VPS41: variants seen among roughly 807,000 people sequenced by gnomAD.
VPS41 encodes the protein VPS41 subunit of HOPS complex, also known as vacuolar protein sorting-associated protein 41 homolog.
VPS41 carries 85 observed loss-of-function variants against 130.9 expected under a neutral mutation model. The observed-to-expected ratio is 0.65, with a 90% confidence interval of 0.55 to 0.78. The LOEUF (loss-of-function observed/expected upper bound fraction) is 0.78, where lower values mean the gene tolerates loss of function less well. Among genes scored for constraint, VPS41 ranks in the 30% least tolerant of loss-of-function variants. The probability of loss-of-function intolerance (pLI) is 0.00; values close to 1 mark genes in which losing one functional copy is unlikely to be tolerated. For missense variants in VPS41, 874 were observed against 1,018.7 expected (o/e 0.86, Z 1.93); for synonymous variants, 335 against 332.9 (o/e 1.01, Z -0.07).
chr7:38,859,492 T>C (rs1299062822), intron 4 of VPS41, among the ~76,000 whole-genome samples: 2 of 152,168 alleles, frequency 1.3e-5, no homozygotes, highest in Non-Finnish European at 2.9e-5. Flanking sequence ...TTTTATACCA[T>C]ATTTTTATGG....
At chr7:38,844,965 G>A (rs1562607352) in intron 4 of VPS41, among the ~76,000 whole-genome samples, 1 of 152,144 alleles carries the variant, frequency 6.6e-6, no homozygotes, top group African/African-American at 2.4e-5. Flanking sequence ...ACAGAGGCAG[G>A]GGCACGGAAC....
At chr7:38,898,988 C>A (rs916593059) in intron 1 of VPS41, among the ~76,000 whole-genome samples, 8 of 152,048 alleles carry the variant, frequency 5.3e-5, no homozygotes, top group Non-Finnish European at 1.2e-4. Context: ...TTAGATATAA[C>A]TAATACATTT....
rs1784024530 is a variant in VPS41, at chr7:38,765,632, G to A, written c.1277C>T (p.Ala426Val). 9 of 1,603,552 alleles carry A rather than the reference G, an allele frequency of 5.6e-6. No homozygotes were observed. The highest frequency in any genetic ancestry group is 1.1e-5 in the South Asian group (1 of 87,904). ...RKCQKILGKNAALWEYEVYKF... is the reference protein window; with the variant it reads ...RKCQKILGKNVALWEYEVYKF... ...ATAAACTTCATATTCCCAGAGTGCT[G>A]CATTTTTCCCAAGAATTTTCTGGCA... The change falls in exon 16 of 29, where the codon GCA (alanine) becomes GTA (valine). Residue 426 changes from alanine to valine, a missense_variant. By Grantham distance (64) the Ala-to-Val change is moderately conservative. Coordinates refer to ENST00000310301, the MANE Select transcript of VPS41 (RefSeq NM_014396.4).
Position 38,888,521 on chromosome 7 carries a change from T to C in VPS41, c.60+9570A>G, listed in dbSNP as rs370008888. On this transcript the variant is annotated intron_variant, in intron 2 of 28. Transcript: ENST00000310301. ...CCCAATACAGGAGCACCCAGATTCA[T>C]AAAGCAAGTTCTTAGAGACCTACAA... 5.3e-5 allele frequency among the ~76,000 whole-genome samples: 8 copies of C among 152,274 alleles called. No individual in the cohort carries two copies. In the East Asian group the frequency reaches 1.4e-3, roughly 26 times the overall value.
At chr7:38,818,370 T>A (rs2116106095) in intron 6 of VPS41, among the ~76,000 whole-genome samples, 1 of 152,060 alleles carries the variant, frequency 6.6e-6, no homozygotes, top group Middle Eastern at 3.4e-3. Flanking sequence ...CAAGACCCCA[T>A]CAATGGAGAG....
chr7:38,894,459 G>A (rs1307136869), intron 2 of VPS41, among the ~76,000 whole-genome samples: 1 of 151,520 alleles, frequency 6.6e-6, no homozygotes, highest in Non-Finnish European at 1.5e-5. Context: ...AGGGTTGGGG[G>A]GAAGTGGGGG....
chr7:38,849,351 G>A (rs1039071554), intron 4 of VPS41, among the ~76,000 whole-genome samples: 4 of 152,186 alleles, frequency 2.6e-5, no homozygotes, highest in Non-Finnish European at 4.4e-5. Context: ...TAGGTGGCTT[G>A]TGTTAGTCAG....
chr7:38,906,230 T>C (rs1393097492), intron 1 of VPS41, among the ~76,000 whole-genome samples: 1 of 152,164 alleles, frequency 6.6e-6, no homozygotes, highest in Non-Finnish European at 1.5e-5. Context: ...CCATTTTTAA[T>C]CTATAAAGGA....
chr7:38,891,118 T>C (rs1166108642), intron 2 of VPS41, among the ~76,000 whole-genome samples: 1 of 152,164 alleles, frequency 6.6e-6, no homozygotes, highest in Non-Finnish European at 1.5e-5. Flanking sequence ...AAACCAAATC[T>C]TTCCCCTAAC....
At chr7:38,902,261 T>A (rs1787161704) in intron 1 of VPS41, among the ~76,000 whole-genome samples, 1 of 152,054 alleles carries the variant, frequency 6.6e-6, no homozygotes, top group Admixed American at 6.6e-5. Flanking sequence ...GCTTTCAGAT[T>A]CCCCAGCAAA....
chr7:38,905,040 A>C (rs767421244), intron 1 of VPS41, among the ~76,000 whole-genome samples: 1 of 152,192 alleles, frequency 6.6e-6, no homozygotes, highest in Non-Finnish European at 1.5e-5. Flanking sequence ...AAAAGGTGCA[A>C]GTAAGATAAA....
At chr7:38,817,707 G>T in intron 7 of VPS41, 110 bp downstream of exon 7, 3 of 938,728 alleles carry the variant, frequency 3.2e-6, no homozygotes, top group South Asian at 1.3e-5. Flanking sequence ...TGTCTTTCTC[G>T]AATTTCTCCT....
intron 11 of VPS41, among the ~76,000 whole-genome samples, 177 bp downstream of exon 11, chr7:38,776,502 T>G (rs1784260959): frequency 6.6e-6 from 1 of 151,968 alleles, no homozygotes; most frequent in South Asian, 2.1e-4. Flanking sequence ...AGGCAATGAG[T>G]AGAGTTTCCG....
At chr7:38,729,930 T>C (rs1172887902) in intron 25 of VPS41, among the ~76,000 whole-genome samples, 1 of 151,940 alleles carries the variant, frequency 6.6e-6, no homozygotes, top group Non-Finnish European at 1.5e-5. Flanking sequence ...TTATTATTAT[T>C]TTTTTTTAAC....
At chr7:38,817,993 G>T (rs1785092882) in intron 6 of VPS41, 111 bp from the exon 7 acceptor site, 1 of 795,618 alleles carries the variant, frequency 1.3e-6, no homozygotes, top group Non-Finnish European at 2.2e-6. Context: ...CTGAAACCTT[G>T]GTAGGAAGTA....
intron 14 of VPS41, 133 bp downstream of exon 14, chr7:38,771,065 C>T: frequency 1.4e-6 from 1 of 693,020 alleles, no homozygotes. Context: ...ATTTTGATCT[C>T]ATAGGTTAGG....
chr7:38,753,857 A>G (rs1783732315), intron 21 of VPS41, among the ~76,000 whole-genome samples: 1 of 152,196 alleles, frequency 6.6e-6, no homozygotes, highest in Non-Finnish European at 1.5e-5. Context: ...GCAGTCTTCA[A>G]AAGCTTCAAA....
intron 4 of VPS41, among the ~76,000 whole-genome samples, chr7:38,846,616 G>A (rs1213730851): frequency 6.6e-6 from 1 of 152,276 alleles, no homozygotes; most frequent in Middle Eastern, 3.4e-3. Flanking sequence ...GTGTTTTCAG[G>A]GAGGGGAATA....
chr7:38,783,714 A>G (rs988246024), intron 10 of VPS41, among the ~76,000 whole-genome samples: 1 of 152,164 alleles, frequency 6.6e-6, no homozygotes, highest in African/African-American at 2.4e-5. Flanking sequence ...GGATAACATG[A>G]GAGAAAACAA....
Sources: allele counts gnomAD v4.1 joint callset (sites outside exome capture counted in the v4.1 genomes callset), GRCh38; gene constraint gnomAD v4.1.1; transcripts MANE v1.5; gene names NCBI Gene and HGNC (gene_info 2026-07-23, HGNC 2026-07-21).